Variants in SPECC1 observed in about 807,000 individuals in gnomAD.
SPECC1 encodes the protein sperm antigen with calponin homology and coiled-coil domains 1.
SPECC1 carries 62 observed loss-of-function variants against 104.1 expected under a neutral mutation model. The observed-to-expected ratio is 0.60, with a 90% CI of 0.49 to 0.74. The LOEUF (loss-of-function observed/expected upper bound fraction) is 0.74. SPECC1 is among the 30% of genes least tolerant of loss of function. The probability of loss-of-function intolerance (pLI) is 0.00; values close to 1 mark genes in which losing one functional copy is unlikely to be tolerated. For missense variants in SPECC1, 1,306 were observed against 1,310.5 expected, an observed-to-expected ratio of 1.00 and a Z score of 0.05; for synonymous variants, 513 against 501.6, an observed-to-expected ratio of 1.02 and a Z score of -0.30.
chr17:20,208,091 AGT>A (rs917028352), intron 4 of SPECC1, among the ~76,000 whole-genome samples: 6 of 152,234 alleles, frequency 3.9e-5, no homozygotes, highest in African/African-American at 1.2e-4. Context: ...TTTAAAGGAA[AGT>A]GTGCATTTTC....
At chr17:20,069,104 C>T (rs1043687311) in intron 1 of SPECC1, among the ~76,000 whole-genome samples, 43 of 152,162 alleles carry the variant, frequency 2.8e-4, no homozygotes, top group Admixed American at 2.0e-4. Flanking sequence ...TTTTCTGCTC[C>T]CTCCTCCAAG....
intron 1 of SPECC1, among the ~76,000 whole-genome samples, chr17:20,041,790 T>A (rs968231790): frequency 6.7e-6 from 1 of 149,842 alleles, no homozygotes; most frequent in African/African-American, 2.5e-5. Flanking sequence ...TGCCTTGCTA[T>A]TTTTTTTTGT....
intron 12 of SPECC1, among the ~76,000 whole-genome samples, chr17:20,278,519 C>G (rs2040649011): frequency 1.3e-5 from 2 of 152,168 alleles, no homozygotes; most frequent in Admixed American, 1.3e-4. Context: ...AGTGAGGGAA[C>G]TAATAAGGTG....
At chr17:20,197,185 C>G (rs914883295) in intron 3 of SPECC1, among the ~76,000 whole-genome samples, 3 of 152,158 alleles carry the variant, frequency 2.0e-5, no homozygotes, top group Non-Finnish European at 4.4e-5. Flanking sequence ...CCTGGTGCCT[C>G]CTGTTTTTCC....
intron 2 of SPECC1, among the ~76,000 whole-genome samples, chr17:20,108,613 T>C (rs1317272785): frequency 6.6e-6 from 1 of 152,220 alleles, no homozygotes; most frequent in Non-Finnish European, 1.5e-5. Context: ...TTCTTTCACT[T>C]AGCATAATAC....
chr17:20,258,611 T>A (rs553944500), intron 11 of SPECC1, among the ~76,000 whole-genome samples: 1 of 152,244 alleles, frequency 6.6e-6, no homozygotes, highest in African/African-American at 2.4e-5. Context: ...CCTGCCAGAA[T>A]GGCCCTGTTC....
chr17:20,299,839 G>C (rs528573311), intron 13 of SPECC1, among the ~76,000 whole-genome samples: 2 of 152,284 alleles, frequency 1.3e-5, no homozygotes, highest in South Asian at 4.1e-4. Flanking sequence ...GCAGGCGATT[G>C]CACAGCAAAT....
chr17:20,131,748 C>G (rs913978166), intron 3 of SPECC1, among the ~76,000 whole-genome samples: 3 of 150,312 alleles, frequency 2.0e-5, no homozygotes, highest in African/African-American at 4.9e-5. Flanking sequence ...CTCCCGAGTT[C>G]AAGCAATTCT....
rs1252926627 is a variant in SPECC1, at chr17:20,282,205, C to T, written c.2941-14756C>T. Among the ~76,000 whole-genome samples the T allele has an allele frequency of 2.5e-4, 38 of 152,224 alleles. 1 individual carries two copies. The highest frequency in any genetic ancestry group is 2.5e-3 in the Admixed American group (38 of 15,284). On this transcript the variant is annotated intron_variant, in intron 12 of 14. Coordinates refer to ENST00000395527, the MANE Select transcript of SPECC1 (RefSeq NM_001243439.2). ...AATGGAGGAAGCAAGAAAGACAGGGCCCCAGCTGCTCCTGAGATGTGTATC... is the reference window on the plus strand; with the variant it reads ...AATGGAGGAAGCAAGAAAGACAGGGTCCCAGCTGCTCCTGAGATGTGTATC...
intron 12 of SPECC1, among the ~76,000 whole-genome samples, chr17:20,280,616 A>G (rs1023584256): frequency 3.9e-5 from 6 of 152,248 alleles, no homozygotes; most frequent in Admixed American, 6.5e-5. Context: ...GGAATGTTCT[A>G]TATCTGTGCT....
intron 3 of SPECC1, among the ~76,000 whole-genome samples, chr17:20,185,591 T>TA (rs1253191389): frequency 2.0e-5 from 3 of 152,116 alleles, no homozygotes; most frequent in African/African-American, 7.2e-5. Context: ...GATCAGAAAA[T>TA]AAAACGGTTG....
intron 4 of SPECC1, among the ~76,000 whole-genome samples, chr17:20,209,055 C>T (rs1286172239): frequency 6.6e-6 from 1 of 152,114 alleles, no homozygotes; most frequent in East Asian, 1.9e-4. Flanking sequence ...GTTTTTTTCT[C>T]CTCTAACTTG....
intron 3 of SPECC1, among the ~76,000 whole-genome samples, chr17:20,129,729 TTG>T (rs2049510252): frequency 2.2e-4 from 7 of 31,584 alleles, no homozygotes; most frequent in Non-Finnish European, 4.3e-4. Context: ...GCCAGTTTTG[TTG>T]TTGTTGTTGT....
At chr17:20,099,509 C>T (rs1482515455) in intron 2 of SPECC1, among the ~76,000 whole-genome samples, 1 of 88,052 alleles carries the variant, frequency 1.1e-5, no homozygotes, top group African/African-American at 4.4e-5. Context: ...CCTGTCTTTA[C>T]CCAAAAAAAA....
At chr17:20,247,545 CTT>C (rs1384314522) in intron 9 of SPECC1, among the ~76,000 whole-genome samples, 1 of 152,124 alleles carries the variant, frequency 6.6e-6, no homozygotes, top group Non-Finnish European at 1.5e-5. Context: ...TGTTTTATCT[CTT>C]GTCTGTAACA....
chr17:20,292,861 G>T (rs1325239842), intron 12 of SPECC1, among the ~76,000 whole-genome samples: 1 of 152,200 alleles, frequency 6.6e-6, no homozygotes, highest in East Asian at 1.9e-4. Flanking sequence ...ACGTTATTAT[G>T]GTTGTGTGTT....
At chr17:20,200,814 C>T (rs2036377358) in intron 3 of SPECC1, among the ~76,000 whole-genome samples, 1 of 151,498 alleles carries the variant, frequency 6.6e-6, no homozygotes. Flanking sequence ...TGAACCTAAC[C>T]TGTGCTCTGT....
intron 3 of SPECC1, among the ~76,000 whole-genome samples, chr17:20,140,885 G>A (rs1476453860): frequency 6.6e-6 from 1 of 152,162 alleles, no homozygotes; most frequent in African/African-American, 2.4e-5. Context: ...CTGGTTGAGG[G>A]GCCAAGGGCA....
chr17:20,130,115 A>G (rs2049534527), intron 3 of SPECC1, among the ~76,000 whole-genome samples: 1 of 152,152 alleles, frequency 6.6e-6, no homozygotes, highest in South Asian at 2.1e-4. Context: ...ATAGTTTTAC[A>G]TTTACATTTA....
Sources: allele counts gnomAD v4.1 joint callset (sites outside exome capture counted in the v4.1 genomes callset), GRCh38; gene constraint gnomAD v4.1.1; transcripts MANE v1.5; gene names NCBI Gene and HGNC (gene_info 2026-07-23, HGNC 2026-07-21).